GPM6B: variants seen among roughly 807,000 people sequenced by gnomAD.
The protein encoded by GPM6B is glycoprotein M6B.
In GPM6B, 4 loss-of-function variants were observed where a neutral mutation model predicts 27.2. That is an observed-to-expected ratio of 0.15 (90% CI 0.07 to 0.34). GPM6B has a LOEUF of 0.34. Among genes scored for constraint, GPM6B ranks in the 10% least tolerant of loss-of-function variants. The probability of loss-of-function intolerance (pLI) is 1.00; values close to 1 mark genes in which losing one functional copy is unlikely to be tolerated. For missense variants in GPM6B, 183 were observed against 261.9 expected (o/e 0.70, Z 2.08); for synonymous variants, 124 against 103.1 (o/e 1.20, Z -1.23).
At chrX:13,807,247 G>A (rs2049039196) in intron 2 of GPM6B, among the ~76,000 whole-genome samples, 1 of 112,285 alleles carries the variant, frequency 8.9e-6, no homozygotes, top group South Asian at 3.7e-4. Context: ...AGTACTCTCA[G>A]GGCCAAGGCT....
chrX:13,789,691 C>T (rs2048675877), intron 2 of GPM6B, among the ~76,000 whole-genome samples: 1 of 111,406 alleles, frequency 9.0e-6, no homozygotes, highest in Admixed American at 9.4e-5. Context: ...AGGAGAATGG[C>T]GTGAACCCGG....
intron 1 of GPM6B, among the ~76,000 whole-genome samples, chrX:13,841,511 C>G (rs1054275515): frequency 8.9e-6 from 1 of 112,037 alleles, no homozygotes; most frequent in Non-Finnish European, 1.9e-5. Flanking sequence ...CTCTAAAATA[C>G]ATGAGTTAGC....
At chrX:13,870,612 C>T (rs1347009765) in intron 1 of GPM6B, among the ~76,000 whole-genome samples, 3 of 112,395 alleles carry the variant, frequency 2.7e-5, no homozygotes, top group Non-Finnish European at 3.8e-5. Context: ...ACACAGAAAA[C>T]AGAGCCCCTA....
At chrX:13,867,437 C>A (rs898994118) in intron 1 of GPM6B, among the ~76,000 whole-genome samples, 1 of 112,214 alleles carries the variant, frequency 8.9e-6, no homozygotes, top group Admixed American at 9.4e-5. Flanking sequence ...GGCTTTCCAG[C>A]TATTCTTGTT....
chrX:13,878,682 T>C (rs2050064417), intron 1 of GPM6B, among the ~76,000 whole-genome samples: 1 of 111,907 alleles, frequency 8.9e-6, no homozygotes. Flanking sequence ...GTGAATTACA[T>C]GACATGGCAA....
chrX:13,906,654 G>C (rs2050334287), intron 1 of GPM6B, among the ~76,000 whole-genome samples: 1 of 112,139 alleles, frequency 8.9e-6, no homozygotes, highest in African/African-American at 3.2e-5. Flanking sequence ...TAGACATAGA[G>C]CAAATATAGG....
chrX:13,920,521 C>G (rs1418300251), intron 1 of GPM6B, among the ~76,000 whole-genome samples: 1 of 110,719 alleles, frequency 9.0e-6, no homozygotes, highest in African/African-American at 3.3e-5. Flanking sequence ...CAGGGAAACA[C>G]GATACGTAAA....
intron 1 of GPM6B, among the ~76,000 whole-genome samples, chrX:13,937,057 C>T (rs1453250863): frequency 8.9e-6 from 1 of 112,159 alleles, no homozygotes. Context: ...CTCTGAGCCT[C>T]ATTTTGTGTA....
chrX:13,884,764 T>C (rs1476734382), intron 1 of GPM6B, among the ~76,000 whole-genome samples: 6 of 111,880 alleles, frequency 5.4e-5, no homozygotes, highest in Non-Finnish European at 9.4e-5. Context: ...AGTTTTCCCA[T>C]AGACATCAGA....
chrX:13,820,543 G>A (rs138370209), upstream of GPM6B, among the ~76,000 whole-genome samples: 4 of 111,201 alleles, frequency 3.6e-5, no homozygotes, highest in African/African-American at 1.3e-4. Flanking sequence ...AGTCTTCAGT[G>A]TGGAGGCAGC....
chrX:13,872,007 G>A (rs2049983352), intron 1 of GPM6B, among the ~76,000 whole-genome samples: 2 of 111,241 alleles, frequency 1.8e-5, no homozygotes, highest in South Asian at 7.6e-4. Flanking sequence ...AGCTTTCCTT[G>A]TGGATATAAT....
intron 1 of GPM6B, among the ~76,000 whole-genome samples, chrX:13,927,922 A>G (rs1348261874): frequency 2.7e-5 from 3 of 112,080 alleles, no homozygotes. Flanking sequence ...TGCTGTGTCA[A>G]TGCTTTCCAC....
upstream of GPM6B, among the ~76,000 whole-genome samples, chrX:13,819,369 A>G (rs926743958): frequency 3.6e-5 from 4 of 112,159 alleles, no homozygotes; most frequent in African/African-American, 9.7e-5. Context: ...CATTTCTGAG[A>G]TATGCATCCA....
At chrX:13,802,372 G>A (rs1278026133) in intron 2 of GPM6B, among the ~76,000 whole-genome samples, 3 of 111,120 alleles carry the variant, frequency 2.7e-5, no homozygotes, top group African/African-American at 9.8e-5. Flanking sequence ...AAGGTGAGAA[G>A]CAAAGGTAAG....
intron 1 of GPM6B, among the ~76,000 whole-genome samples, chrX:13,934,500 C>A (rs886516838): frequency 9.0e-6 from 1 of 111,486 alleles, no homozygotes; most frequent in Non-Finnish European, 1.9e-5. Flanking sequence ...TCAGGAGAAG[C>A]CAAAGCTGGA....
At chrX:13,884,886 T>G (rs2050119762) in intron 1 of GPM6B, among the ~76,000 whole-genome samples, 1 of 111,917 alleles carries the variant, frequency 8.9e-6, no homozygotes. Context: ...TTTGAAATAT[T>G]GAGAGAAGGT....
chrX:13,873,458 T>C (rs1440857246), intron 1 of GPM6B, among the ~76,000 whole-genome samples: 1 of 111,733 alleles, frequency 8.9e-6, no homozygotes, highest in African/African-American at 3.3e-5. Flanking sequence ...TGGGGTTCCT[T>C]TGAGGGTGAT....
intron 1 of GPM6B, among the ~76,000 whole-genome samples, chrX:13,903,810 T>A (rs1425966728): frequency 2.7e-5 from 3 of 111,691 alleles, no homozygotes; most frequent in Middle Eastern, 4.6e-3. Context: ...GCCAGGGTGG[T>A]GGAGCCAGAG....
chrX:13,856,262 C>T (rs923683951), intron 1 of GPM6B, among the ~76,000 whole-genome samples: 1 of 111,697 alleles, frequency 9.0e-6, no homozygotes, highest in Non-Finnish European at 1.9e-5. Context: ...TCACAGAAAC[C>T]AAAGAGTCCC....
Sources: gnomAD v4.1 joint callset for allele counts (sites outside exome capture counted in the v4.1 genomes callset) on GRCh38, gnomAD v4.1.1 for gene constraint, MANE v1.5 for transcripts, NCBI Gene and HGNC (gene_info 2026-07-23, HGNC 2026-07-21) for gene names.